TRPM8: variants seen among roughly 807,000 people sequenced by gnomAD.
The protein encoded by TRPM8 is TRPM8 cationic channel.
A neutral mutation model predicts 133.7 loss-of-function variants in TRPM8; 110 were observed. The observed-to-expected ratio is 0.82, with a 90% CI of 0.70 to 0.96. The LOEUF (loss-of-function observed/expected upper bound fraction) is 0.96, where lower values mean the gene tolerates loss of function less well. Ranked by LOEUF, TRPM8 falls within the 40% of genes least tolerant of loss-of-function variation. The probability of loss-of-function intolerance (pLI) is 0.00; values close to 1 mark genes in which losing one functional copy is unlikely to be tolerated. For missense variants in TRPM8, 1,291 were observed against 1,379.5 expected, an observed-to-expected ratio of 0.94 and a Z score of 1.02; for synonymous variants, 535 against 532.3, an observed-to-expected ratio of 1.01 and a Z score of -0.07.
intron 8 of TRPM8, among the ~76,000 whole-genome samples, chr2:233,948,519 G>C (rs968029817): frequency 5.3e-5 from 8 of 152,210 alleles, no homozygotes; most frequent in African/African-American, 1.4e-4. Context: ...AGGAAGAGGG[G>C]TGGAGAAAAA....
At chr2:234,007,868 T>TTG (rs1292574331) in intron 23 of TRPM8, among the ~76,000 whole-genome samples, 1 of 152,238 alleles carries the variant, frequency 6.6e-6, no homozygotes, top group Non-Finnish European at 1.5e-5. Flanking sequence ...GCACTTCTAA[T>TTG]TGTGATGAGA....
In TRPM8 at chr2:233,980,286, A is replaced by T; in HGVS notation, c.2447+7A>T. The T allele has an allele frequency of 6.4e-7, 1 of 1,574,210 alleles. No individual in the cohort carries two copies. Among genetic ancestry groups the T allele is most frequent in the Non-Finnish European group, 8.6e-7 (1 of 1,160,196 alleles). ...TAGCAGGAATTGTATTTCGGTAAGT[A>T]GTCTCATCACTTTTCCTAATTTTCT... On this transcript the variant is annotated splice_region_variant and intron_variant, in intron 18 of 25. Coordinates refer to ENST00000324695, the MANE Select transcript of TRPM8 (RefSeq NM_024080.5).
rs1693024286 is a variant in TRPM8, at chr2:234,018,868, A to ATAAATAAG, written c.*1619_*1620insGTAAATAA. On this transcript the variant is annotated 3_prime_UTR_variant, in exon 26 of 26. Transcript: ENST00000324695. The stretch of plus-strand genomic sequence containing the variant: ...TGAAAATAAATAAATAAATAAATAA[A>ATAAATAAG]TAAATAAATAAATATTATGGATGGT... 1 of 151,444 alleles carries ATAAATAAG rather than the reference A, an allele frequency of 6.6e-6. No individual in the cohort carries two copies. The highest frequency in any genetic ancestry group is 1.9e-4 in the East Asian group (1 of 5,184). The allele number at this position is 151,444 out of a possible 1,614,324, so 9.4% of individuals were successfully genotyped here.
chr2:233,978,198 A>AGTGT (rs59259744), intron 17 of TRPM8, among the ~76,000 whole-genome samples: 23,154 of 145,926 alleles, frequency 0.16, 2,044 homozygotes, highest in East Asian at 0.24. Context: ...GGAATATTAT[A>AGTGT]GTGTGTGTGT....
intron 17 of TRPM8, among the ~76,000 whole-genome samples, chr2:233,976,791 T>C (rs1407098958): frequency 6.6e-6 from 1 of 152,138 alleles, no homozygotes; most frequent in Admixed American, 6.5e-5. Context: ...GCCTTACAAC[T>C]CTGATTCTGG....
intron 22 of TRPM8, among the ~76,000 whole-genome samples, chr2:234,001,075 G>A (rs1692552526): frequency 6.6e-6 from 1 of 152,170 alleles, no homozygotes; most frequent in Non-Finnish European, 1.5e-5. Flanking sequence ...TAATAAACTG[G>A]GAAACCTAGC....
intron 22 of TRPM8, 85 bp from the exon 23 acceptor site, chr2:234,006,768 T>G (rs551082120): frequency 2.0e-6 from 2 of 1,007,012 alleles, no homozygotes; most frequent in Admixed American, 2.1e-5. Context: ...TTCTAGAGTC[T>G]CACAAAATGC....
chr2:233,947,185 T>C (rs1217643390), intron 8 of TRPM8, 30 bp downstream of exon 8: 1 of 1,612,518 alleles, frequency 6.2e-7, no homozygotes, highest in Non-Finnish European at 8.5e-7. Flanking sequence ...TCTAGAAGGT[T>C]GGCTAATAAG....
chr2:233,984,471 A>G (rs994620831), intron 20 of TRPM8, among the ~76,000 whole-genome samples: 14 of 152,254 alleles, frequency 9.2e-5, no homozygotes, highest in Non-Finnish European at 1.9e-4. Flanking sequence ...TTGTGTGAAC[A>G]GAGCTGTCAG....
chr2:233,950,011 C>A lies in TRPM8; in HGVS notation c.1005C>A (p.Ile335=), dbSNP rs530123743. 5 of 1,614,032 alleles carry A rather than the reference C, an allele frequency of 3.1e-6. No individual in the cohort carries two copies. The highest frequency in any genetic ancestry group is 4.2e-6 in the Non-Finnish European group (5 of 1,180,044). ...PCVVVEGSGQ[I]ADVIASLVEV... ...TGGTGGTGGAAGGCTCGGGCCAGAT[C>A]GCTGATGTGATCGCTAGCCTGGTGG... Residue 335 remains isoleucine (I), a synonymous_variant, in exon 9 of 26, where the codon ATC becomes ATA. Transcript: ENST00000324695.
intron 8 of TRPM8, among the ~76,000 whole-genome samples, chr2:233,948,417 T>C (rs6758678): frequency 6.6e-6 from 1 of 152,236 alleles, no homozygotes; most frequent in African/African-American, 2.4e-5. Context: ...ATCCTACTGC[T>C]CAAGGTCATC....
chr2:233,977,250 G>C (rs1367296790), intron 17 of TRPM8, among the ~76,000 whole-genome samples: 1 of 152,162 alleles, frequency 6.6e-6, no homozygotes, highest in East Asian at 1.9e-4. Context: ...CCTTCACGGA[G>C]GGCACCATTC....
intron 1 of TRPM8, among the ~76,000 whole-genome samples, chr2:233,922,093 C>CA (rs1691423947): frequency 1.5e-5 from 2 of 129,608 alleles, no homozygotes; most frequent in African/African-American, 8.2e-5. Context: ...TCGCAAGGGT[C>CA]TCTGTCTCCA....
intron 25 of TRPM8, among the ~76,000 whole-genome samples, chr2:234,016,319 G>A (rs568198573): frequency 2.0e-4 from 31 of 152,146 alleles, no homozygotes; most frequent in African/African-American, 7.5e-4. Flanking sequence ...CAACAAATTT[G>A]GCATGTCCAA....
intron 2 of TRPM8, among the ~76,000 whole-genome samples, chr2:233,927,804 C>CTTCCTTCCTTTCT (rs1691572099): frequency 2.3e-5 from 1 of 43,342 alleles, no homozygotes; most frequent in African/African-American, 2.2e-4. Flanking sequence ...TCTTTCCTTC[C>CTTCCTTCCTTTCT]TTCCTTCCTT....
At chr2:234,007,813 A>C (rs1209666866) in intron 23 of TRPM8, among the ~76,000 whole-genome samples, 1 of 152,228 alleles carries the variant, frequency 6.6e-6, no homozygotes, top group African/African-American at 2.4e-5. Context: ...CAGACTTACA[A>C]GTCCTTTTCC....
At position 233,937,407 on chromosome 2, in the gene TRPM8, G is replaced by A. The variant is rs567236613; in HGVS notation, c.246G>A (p.Gln82=). The A allele has an allele frequency of 2.5e-5, 40 of 1,614,182 alleles. No individual in the cohort carries two copies. In the Admixed American group the frequency reaches 5.3e-4, roughly 22 times the overall value. ...AGAGCCAGCACATGGAAGGCACCCAGATCAACCAAAGTGAGAAATGGAACT... is the reference window on the plus strand; with the variant it reads ...AGAGCCAGCACATGGAAGGCACCCAAATCAACCAAAGTGAGAAATGGAACT... ...YAQSQHMEGT[Q]INQSEKWNYK... Residue 82 remains glutamine (Q), a synonymous_variant, in exon 4 of 26, where the codon CAG becomes CAA. Coordinates refer to ENST00000324695, the MANE Select transcript of TRPM8 (RefSeq NM_024080.5).
chr2:233,924,349 T>G (rs1691470170), intron 1 of TRPM8, among the ~76,000 whole-genome samples: 1 of 152,158 alleles, frequency 6.6e-6, no homozygotes. Context: ...TTCTATCTCT[T>G]TCAGGGGCAT....
At chr2:233,997,531 G>A (rs188826711) in intron 22 of TRPM8, among the ~76,000 whole-genome samples, 2 of 152,286 alleles carry the variant, frequency 1.3e-5, no homozygotes, top group East Asian at 1.9e-4. Flanking sequence ...GTTCTGGGCT[G>A]CTTCGTGCCC....
Sources: gnomAD v4.1 joint callset for allele counts (sites outside exome capture counted in the v4.1 genomes callset) on GRCh38, gnomAD v4.1.1 for gene constraint, MANE v1.5 for transcripts, NCBI Gene and HGNC (gene_info 2026-07-23, HGNC 2026-07-21) for gene names.